Variants in IQGAP3 observed in about 807,000 individuals in gnomAD.
IQGAP3 encodes ras GTPase-activating-like protein IQGAP3.
IQGAP3 carries 165 observed loss-of-function variants against 208.2 expected under a neutral mutation model. The ratio of observed to expected loss-of-function variants is 0.79; its 90% CI spans 0.70 to 0.90. IQGAP3 has a LOEUF of 0.90. IQGAP3 is among the 40% of genes least tolerant of loss of function. The pLI is 0.00. For missense variants in IQGAP3, 1,811 were observed against 2,043.1 expected (o/e 0.89, Z 2.19); for synonymous variants, 703 against 803.6 (o/e 0.87, Z 2.12).
chr1:156,548,868 G>A (rs768992859), intron 16 of IQGAP3, 120 bp from the exon 17 acceptor site: 93 of 1,001,864 alleles, frequency 9.3e-5, no homozygotes, highest in Non-Finnish European at 1.2e-4. Flanking sequence ...TTCTGAAGGA[G>A]TAGACGGGAA....
intron 5 of IQGAP3, 22 bp downstream of exon 5, chr1:156,564,593 G>C: frequency 1.3e-6 from 2 of 1,542,938 alleles, no homozygotes; most frequent in Non-Finnish European, 1.8e-6. Flanking sequence ...GAACCTGGAT[G>C]ATAAAATTTG....
At chr1:156,539,319 C>A in intron 25 of IQGAP3, 55 bp downstream of exon 25, 2 of 1,537,544 alleles carry the variant, frequency 1.3e-6, no homozygotes, top group Non-Finnish European at 1.8e-6. Context: ...AAGGAGCCAA[C>A]AGGGGGATCT....
chr1:156,547,561 T>C (rs539762792), intron 19 of IQGAP3, among the ~76,000 whole-genome samples: 1 of 152,218 alleles, frequency 6.6e-6, no homozygotes, highest in African/African-American at 2.4e-5. Flanking sequence ...CATGCAATCC[T>C]CCCACCTCAG....
chr1:156,534,771 GC>G (rs1168766112), intron 28 of IQGAP3, 38 bp from the exon 29 acceptor site: 1 of 1,419,932 alleles, frequency 7.0e-7, no homozygotes, highest in African/African-American at 1.4e-5. Context: ...GTGTCCAGGG[GC>G]CGCCTTGACT....
intron 34 of IQGAP3, among the ~76,000 whole-genome samples, 188 bp downstream of exon 34, chr1:156,529,917 A>C (rs1674294891): frequency 1.4e-5 from 1 of 73,764 alleles, no homozygotes; most frequent in Non-Finnish European, 2.4e-5. Flanking sequence ...AGACTGTCTC[A>C]AAAAAAAAAA....
rs530369830 is a variant in IQGAP3, at chr1:156,529,602, T to C, written c.4404+503A>G. 4.8e-3 allele frequency among the ~76,000 whole-genome samples: 727 copies of C among 152,118 alleles called. 5 individuals carry two copies. The highest frequency in any genetic ancestry group is 0.017 in the African/African-American group (697 of 41,498). On this transcript the variant is annotated intron_variant, in intron 34 of 37. Transcript: ENST00000361170. ...GAGTTTGAGACCAGCCTGGCCAACA[T>C]GGTGAAACCCTGTCTCTACTAAAAA...
At chr1:156,547,416 CACACACACAG>C (rs1675310607) in intron 19 of IQGAP3, among the ~76,000 whole-genome samples, 1 of 151,510 alleles carries the variant, frequency 6.6e-6, no homozygotes, top group African/African-American at 2.4e-5. Flanking sequence ...CACACACACA[CACACACACAG>C]ACACACACAC....
intron 1 of IQGAP3, among the ~76,000 whole-genome samples, chr1:156,570,871 G>A (rs1031261547): frequency 4.6e-5 from 7 of 152,210 alleles, no homozygotes; most frequent in Admixed American, 4.6e-4. Context: ...TATGATTATA[G>A]CCCATGCATA....
intron 8 of IQGAP3, 58 bp downstream of exon 8, chr1:156,563,076 C>T (rs1186419516): frequency 4.1e-6 from 6 of 1,457,166 alleles, no homozygotes; most frequent in African/African-American, 1.4e-5. Flanking sequence ...CCCGGTTTCA[C>T]TTGAGACTTT....
chr1:156,551,364 T>C lies in IQGAP3; in HGVS notation c.1734+341A>G, dbSNP rs982692935. Among the ~76,000 whole-genome samples the C allele has an allele frequency of 2.6e-5, 4 of 152,310 alleles. No homozygotes were observed. The East Asian group carries it at 5.8e-4, about 22-fold the overall frequency. On this transcript the variant is annotated intron_variant, in intron 15 of 37. Coordinates refer to ENST00000361170, the MANE Select transcript of IQGAP3 (RefSeq NM_178229.5). ...TTGTCAATTCATTTGATTTTCACCC[T>C]CATTCTGGGAGCTGGGTAGGACCAG...
chr1:156,541,726 A>G lies in IQGAP3; in HGVS notation c.2531-810T>C, dbSNP rs536611833. ...TGAAGGAGTCAGATTTGGAAGATGA[A>G]TAAAACTAGTCCCTGTCCCTAAAGG... On this transcript the variant is annotated intron_variant, in intron 22 of 37. Transcript: ENST00000361170. Among the ~76,000 whole-genome samples the G allele has an allele frequency of 1.4e-3, 209 of 152,332 alleles. 1 individual carries two copies. The highest frequency in any genetic ancestry group is 4.7e-3 in the African/African-American group (197 of 41,584).
chr1:156,539,167 C>G, intron 25 of IQGAP3, 134 bp from the exon 26 acceptor site: 1 of 876,006 alleles, frequency 1.1e-6, no homozygotes, highest in Non-Finnish European at 1.8e-6. Flanking sequence ...TGATATCTCT[C>G]TCATCCTTTG....
In IQGAP3 at chr1:156,566,641, C is replaced by T. The variant is rs913065569; in HGVS notation, c.126-95G>A. The T allele has an allele frequency of 5.9e-6, 7 of 1,179,318 alleles. No homozygotes were observed. In the African/African-American group the frequency reaches 9.1e-5, roughly 15 times the overall value. 73.1% of individuals were successfully genotyped at this position (1,179,318 alleles called of 1,614,324 possible). ...TCCCTCTGTCCCTCCTTTTAAGTGG[C>T]CCCTGACCCTCCTCTGCTTCCTGTT... On this transcript the variant is annotated intron_variant, in intron 2 of 37. Coordinates refer to ENST00000361170, the MANE Select transcript of IQGAP3 (RefSeq NM_178229.5).
At chr1:156,529,969 G>A in intron 34 of IQGAP3, 136 bp downstream of exon 34, 2 of 592,746 alleles carry the variant, frequency 3.4e-6, no homozygotes, top group South Asian at 2.4e-5. Flanking sequence ...AGGACCCTCA[G>A]CCTTCCTCTG....
chr1:156,547,388 GACACACACACACAC>G (rs61344699), intron 19 of IQGAP3, among the ~76,000 whole-genome samples: 8 of 147,328 alleles, frequency 5.4e-5, no homozygotes, highest in African/African-American at 1.8e-4. Context: ...CAGACACACA[GACACACACACACAC>G]ACACACACAC....
At chr1:156,556,771 G>C (rs111676542) in intron 11 of IQGAP3, 78 bp from the exon 12 acceptor site, 62 of 1,340,030 alleles carry the variant, frequency 4.6e-5, no homozygotes, top group Non-Finnish European at 3.0e-6. Flanking sequence ...ACTAGGCTCC[G>C]CCGGGGGATC....
Position 156,539,987 on chromosome 1 carries a change from C to A in IQGAP3, c.2743G>T (p.Val915Leu), listed in dbSNP as rs756736777. 5.0e-6 allele frequency: 8 copies of A among 1,614,104 alleles called. No individual in the cohort carries two copies. The South Asian group carries it at 8.8e-5, about 18-fold the overall frequency. ...GTCAGCTTCTTGCAGTGGGAGACCACTTCCTGCAGGGGTGGAGGAGCGGGT... is the reference window on the plus strand; with the variant it reads ...GTCAGCTTCTTGCAGTGGGAGACCAATTCCTGCAGGGGTGGAGGAGCGGGT... ...LVKNRITLQE[V>L]VSHCKKLTKR... Residue 915 changes from valine to leucine, a missense_variant, in exon 24 of 38, where the codon GTG (valine) becomes TTG (leucine). Val to Leu is a conservative substitution (Grantham distance 32). Coordinates refer to ENST00000361170, the MANE Select transcript of IQGAP3 (RefSeq NM_178229.5).
intron 22 of IQGAP3, among the ~76,000 whole-genome samples, chr1:156,542,920 G>A (rs960589818): frequency 3.3e-5 from 5 of 151,816 alleles, no homozygotes; most frequent in African/African-American, 1.2e-4. Context: ...CAGCCAGGGT[G>A]ACAGAGCGAG....
At position 156,528,573 on chromosome 1, in the gene IQGAP3, A is replaced by G. The variant is rs1674224148; in HGVS notation, c.4609T>C (p.Tyr1537His). ...GKGKKQPSLH[Y>H]TAAQLLEKGV... The stretch of plus-strand genomic sequence containing the variant: ...TTTTCCAGGAGCTGAGCAGCAGTGT[A>G]ATGAAGAGAAGGCTGCTTCTTCCCC... Residue 1537 changes from tyrosine to histidine, a missense_variant, in exon 36 of 38, where the codon TAC becomes CAC. Coordinates refer to ENST00000361170, the MANE Select transcript of IQGAP3 (RefSeq NM_178229.5). 8 of 1,613,936 alleles carry G rather than the reference A, an allele frequency of 5.0e-6. No individual in the cohort carries two copies. Among genetic ancestry groups the G allele is most frequent in the Non-Finnish European group, 6.8e-6 (8 of 1,179,882 alleles).
Sources: allele counts gnomAD v4.1 joint callset (sites outside exome capture counted in the v4.1 genomes callset), GRCh38; gene constraint gnomAD v4.1.1; transcripts MANE v1.5; gene names NCBI Gene and HGNC (gene_info 2026-07-23, HGNC 2026-07-21).